The following ZNF385D variants were observed in gnomAD, a reference collection of about 807,000 sequenced individuals.
The protein encoded by ZNF385D is zinc finger protein 385D.
ZNF385D carries 15 observed loss-of-function variants against 35.8 expected under a neutral mutation model. The ratio of observed to expected loss-of-function variants is 0.42; its 90% CI spans 0.28 to 0.64. The LOEUF (loss-of-function observed/expected upper bound fraction) is 0.64. Among genes scored for constraint, ZNF385D ranks in the 30% least tolerant of loss-of-function variants. ZNF385D has a pLI of 0.23. For synonymous variants in ZNF385D, 212 were observed against 186.8 expected (o/e 1.13, Z -1.10); for missense variants, 474 against 494.6 (o/e 0.96, Z 0.39).
intron 3 of ZNF385D, among the ~76,000 whole-genome samples, chr3:21,975,405 T>G (rs1487669919): frequency 6.6e-6 from 1 of 152,046 alleles, no homozygotes; most frequent in Non-Finnish European, 1.5e-5. Flanking sequence ...TACCAGAGGT[T>G]GGAAGGGTAG....
intron 3 of ZNF385D, among the ~76,000 whole-genome samples, chr3:21,768,171 C>G (rs1378525950): frequency 6.6e-6 from 1 of 151,890 alleles, no homozygotes; most frequent in Non-Finnish European, 1.5e-5. Flanking sequence ...GGACTTAATG[C>G]CTGCATTTTG....
At chr3:22,323,444 A>G (rs763287188) in intron 2 of ZNF385D, among the ~76,000 whole-genome samples, 21 of 152,176 alleles carry the variant, frequency 1.4e-4, no homozygotes, top group Non-Finnish European at 2.8e-4. Context: ...AAGATTCCCT[A>G]TACACACACA....
rs1049869139 is a variant in ZNF385D at position 22,163,233 on chromosome 3, G to A, written c.325+5584C>T. The stretch of plus-strand genomic sequence containing the variant: ...TCCTGACTGAGCTGGAGGGACTTTA[G>A]AGATTCTTGAATCACACAGATTCTT... On this transcript the variant is annotated intron_variant, in intron 3 of 5. Transcript: ENST00000494108. 2.0e-5 allele frequency among the ~76,000 whole-genome samples: 3 copies of A among 152,132 alleles called. No individual in the cohort carries two copies. In the South Asian group the frequency reaches 6.2e-4, roughly 31 times the overall value.
At chr3:21,794,254 G>A (rs1575661342) in intron 3 of ZNF385D, among the ~76,000 whole-genome samples, 2 of 151,998 alleles carry the variant, frequency 1.3e-5, no homozygotes, top group South Asian at 2.1e-4. Context: ...GAAGAAAAGA[G>A]AAGTTTTAAA....
chr3:21,872,084 G>C (rs1697724604), intron 3 of ZNF385D, among the ~76,000 whole-genome samples: 1 of 151,920 alleles, frequency 6.6e-6, no homozygotes. Context: ...TTAAAATATG[G>C]TTTATATTTT....
At chr3:22,222,286 G>T (rs906410839) in intron 2 of ZNF385D, among the ~76,000 whole-genome samples, 2 of 151,262 alleles carry the variant, frequency 1.3e-5, no homozygotes, top group Non-Finnish European at 2.9e-5. Context: ...AATTCTGCTG[G>T]CCATAAAAAA....
chr3:21,782,183 T>C (rs913342420), intron 3 of ZNF385D, among the ~76,000 whole-genome samples: 1 of 152,054 alleles, frequency 6.6e-6, no homozygotes, highest in Admixed American at 6.6e-5. Flanking sequence ...CCTGTGAGAG[T>C]TGTGCCTATG....
chr3:22,132,786 A>G (rs898503652), intron 3 of ZNF385D, among the ~76,000 whole-genome samples: 1 of 152,132 alleles, frequency 6.6e-6, no homozygotes, highest in Non-Finnish European at 1.5e-5. Flanking sequence ...CACTAAAAGT[A>G]TATTTATACT....
At chr3:22,353,095 G>A (rs1400019880) in intron 2 of ZNF385D, among the ~76,000 whole-genome samples, 2 of 152,180 alleles carry the variant, frequency 1.3e-5, no homozygotes, top group Non-Finnish European at 2.9e-5. Flanking sequence ...CAGTAGCTAA[G>A]GAAGCTGCGT....
At chr3:22,363,655 G>A (rs956417913) in intron 2 of ZNF385D, among the ~76,000 whole-genome samples, 1 of 152,108 alleles carries the variant, frequency 6.6e-6, no homozygotes, top group African/African-American at 2.4e-5. Context: ...TCTAATGGCT[G>A]TTTAAAAACT....
At chr3:21,478,983 A>AAT (rs1425134062) in intron 4 of ZNF385D, among the ~76,000 whole-genome samples, 1 of 152,076 alleles carries the variant, frequency 6.6e-6, no homozygotes, top group Non-Finnish European at 1.5e-5. Flanking sequence ...GCATGATTAA[A>AAT]ATAGTAATCA....
chr3:21,941,070 A>G (rs568826993), intron 3 of ZNF385D, among the ~76,000 whole-genome samples: 2 of 152,218 alleles, frequency 1.3e-5, no homozygotes, highest in Non-Finnish European at 2.9e-5. Context: ...CCAGCCAATG[A>G]AAAAAGATGA....
chr3:21,851,590 G>A (rs914651879), intron 3 of ZNF385D, among the ~76,000 whole-genome samples: 18 of 151,660 alleles, frequency 1.2e-4, no homozygotes, highest in South Asian at 6.2e-4. Flanking sequence ...GCAATAAAAA[G>A]CAAAAAAGAA....
chr3:21,874,137 A>G (rs1026005741), intron 3 of ZNF385D, among the ~76,000 whole-genome samples: 6 of 151,940 alleles, frequency 3.9e-5, no homozygotes, highest in African/African-American at 4.8e-5. Flanking sequence ...CATTTTTTCC[A>G]TATTCTTGCT....
intron 3 of ZNF385D, among the ~76,000 whole-genome samples, chr3:22,016,615 C>T (rs930695545): frequency 1.3e-5 from 2 of 151,902 alleles, no homozygotes; most frequent in African/African-American, 4.8e-5. Context: ...ATTTTCCTTC[C>T]TGCCTAGAAC....
chr3:22,295,477 A>T (rs74507333), intron 2 of ZNF385D, among the ~76,000 whole-genome samples: 3,553 of 152,040 alleles, frequency 0.023, 64 homozygotes, highest in Non-Finnish European at 0.036. Flanking sequence ...GAATAAAAAA[A>T]GTTTGCAAAG....
chr3:22,292,178 C>T (rs1297160282), intron 2 of ZNF385D, among the ~76,000 whole-genome samples: 1 of 151,868 alleles, frequency 6.6e-6, no homozygotes, highest in African/African-American at 2.4e-5. Context: ...TTCATTACTT[C>T]GTGGGTTATC....
intron 3 of ZNF385D, among the ~76,000 whole-genome samples, chr3:21,531,209 T>C (rs887748840): frequency 4.6e-5 from 7 of 152,172 alleles, no homozygotes; most frequent in African/African-American, 1.7e-4. Flanking sequence ...AATGAGATAT[T>C]ATTGTGCACC....
chr3:22,002,292 C>G (rs1240965103), intron 3 of ZNF385D, among the ~76,000 whole-genome samples: 2 of 151,770 alleles, frequency 1.3e-5, no homozygotes, highest in Non-Finnish European at 2.9e-5. Context: ...TACGAAGAAA[C>G]ATTAGAGGAT....
Sources: allele counts gnomAD v4.1 joint callset (sites outside exome capture counted in the v4.1 genomes callset), GRCh38; gene constraint gnomAD v4.1.1; transcripts MANE v1.5; gene names NCBI Gene and HGNC (gene_info 2026-07-23, HGNC 2026-07-21).